Variants in POLR3G observed in about 807,000 individuals in gnomAD.
POLR3G encodes the protein DNA-directed RNA polymerase III subunit RPC7.
Under a neutral mutation model 30.1 loss-of-function variants are expected in POLR3G, and 28 were observed. The ratio of observed to expected loss-of-function variants is 0.93; its 90% confidence interval spans 0.69 to 1.27. The LOEUF (loss-of-function observed/expected upper bound fraction) is 1.27, where lower values mean the gene tolerates loss of function less well. POLR3G is among the 50% of genes most tolerant of loss of function. POLR3G has a pLI of 0.00. For missense variants in POLR3G, 254 were observed against 264.6 expected, an observed-to-expected ratio of 0.96 and a Z score of 0.28; for synonymous variants, 79 against 82.5, an observed-to-expected ratio of 0.96 and a Z score of 0.23.
At chr5:90,484,960 A>T (rs1751360473) in intron 1 of POLR3G, among the ~76,000 whole-genome samples, 1 of 152,172 alleles carries the variant, frequency 6.6e-6, no homozygotes, top group Non-Finnish European at 1.5e-5. Context: ...CCAAAATTGA[A>T]GAGTACAGGT....
intron 3 of POLR3G, among the ~76,000 whole-genome samples, chr5:90,494,956 G>T (rs1474933532): frequency 6.6e-6 from 1 of 152,108 alleles, no homozygotes; most frequent in Non-Finnish European, 1.5e-5. Context: ...AGAAGTCATT[G>T]TGTTACAAAT....
intron 1 of POLR3G, among the ~76,000 whole-genome samples, chr5:90,477,635 T>C (rs1219811614): frequency 6.6e-6 from 1 of 152,206 alleles, no homozygotes; most frequent in African/African-American, 2.4e-5. Context: ...TTTCACTGCC[T>C]CCTCTAGCTT....
intron 4 of POLR3G, 67 bp from the exon 5 acceptor site, chr5:90,497,589 T>G: frequency 6.6e-7 from 1 of 1,519,232 alleles, no homozygotes; most frequent in Non-Finnish European, 8.8e-7. Flanking sequence ...GTCCTTCAAA[T>G]AGTTATGTTC....
intron 4 of POLR3G, among the ~76,000 whole-genome samples, chr5:90,496,870 C>T (rs765000467): frequency 6.6e-6 from 1 of 152,148 alleles, no homozygotes; most frequent in Non-Finnish European, 1.5e-5. Context: ...CATTAGTATT[C>T]ATCTCTCAAA....
At chr5:90,474,435 G>A (rs965817509), upstream of POLR3G, 18 of 735,786 alleles carry the variant, frequency 2.4e-5, no homozygotes, top group Admixed American at 1.6e-4. Context: ...GGCGTGGGAT[G>A]CGGGGGTCGG....
intron 7 of POLR3G, among the ~76,000 whole-genome samples, 177 bp from the exon 8 acceptor site, chr5:90,511,876 T>C (rs1752752729): frequency 1.3e-5 from 2 of 152,180 alleles, no homozygotes; most frequent in South Asian, 4.1e-4. Context: ...TCTTAGCTAG[T>C]TAGTGCCTGA....
intron 4 of POLR3G, among the ~76,000 whole-genome samples, chr5:90,496,969 ATGACT>A (rs1752025822): frequency 6.6e-6 from 1 of 152,204 alleles, no homozygotes. Context: ...TTCAGGTAAA[ATGACT>A]TGAGATTTAA....
chr5:90,486,094 C>T (rs1193973934), intron 2 of POLR3G, among the ~76,000 whole-genome samples: 1 of 152,160 alleles, frequency 6.6e-6, no homozygotes, highest in African/African-American at 2.4e-5. Context: ...CCTTAGTATA[C>T]CACTTGACTT....
chr5:90,474,073 G>C, upstream of POLR3G: 2 of 1,576,254 alleles, frequency 1.3e-6, no homozygotes, highest in East Asian at 2.3e-5. Context: ...AGTGGCCGGC[G>C]CGCCGCGTCC....
upstream of POLR3G, chr5:90,474,575 C>G (rs965559816): frequency 2.1e-6 from 1 of 471,540 alleles, no homozygotes; most frequent in African/African-American, 2.0e-5. Context: ...GCCTCGGCAG[C>G]CGCACCACGA....
intron 5 of POLR3G, among the ~76,000 whole-genome samples, chr5:90,500,527 T>C (rs1474698519): frequency 6.6e-6 from 1 of 152,164 alleles, no homozygotes; most frequent in African/African-American, 2.4e-5. Flanking sequence ...ATTATAATAA[T>C]TTATTGAGAT....
intron 5 of POLR3G, 95 bp from the exon 6 acceptor site, chr5:90,501,811 A>G: frequency 7.2e-7 from 1 of 1,395,600 alleles, no homozygotes; most frequent in South Asian, 1.3e-5. Flanking sequence ...CCTAGGATGC[A>G]GTAGCACGAT....
At chr5:90,503,531 T>C (rs1235049151) in intron 6 of POLR3G, among the ~76,000 whole-genome samples, 1 of 152,214 alleles carries the variant, frequency 6.6e-6, no homozygotes, top group Non-Finnish European at 1.5e-5. Flanking sequence ...GTAAGGAAGA[T>C]TGATCTGGAC....
At chr5:90,498,306 A>T (rs1752086278) in intron 5 of POLR3G, among the ~76,000 whole-genome samples, 2 of 150,396 alleles carry the variant, frequency 1.3e-5, no homozygotes, top group South Asian at 2.1e-4. Context: ...CTTTTTTTAA[A>T]TTTCTGTGTT....
intron 5 of POLR3G, among the ~76,000 whole-genome samples, chr5:90,501,236 T>A (rs1434293133): frequency 6.6e-6 from 1 of 152,182 alleles, no homozygotes; most frequent in Non-Finnish European, 1.5e-5. Context: ...ACATATATAT[T>A]TAAGGCAGAA....
At chr5:90,485,201 G>A (rs1751375596) in intron 1 of POLR3G, among the ~76,000 whole-genome samples, 1 of 152,124 alleles carries the variant, frequency 6.6e-6, no homozygotes, top group South Asian at 2.1e-4. Context: ...CTCCTCATCA[G>A]CCTGGTCTTG....
At chr5:90,478,569 C>CTTTGTTTTTTTTTTTTTTTTTT (rs1750957600) in intron 1 of POLR3G, among the ~76,000 whole-genome samples, 1 of 79,332 alleles carries the variant, frequency 1.3e-5, no homozygotes, top group African/African-American at 5.1e-5. Context: ...CTGCGTGGTT[C>CTTTGTTTTTTTTTTTTTTTTTT]TTTTTTTTTT....
At chr5:90,485,463 T>C in intron 1 of POLR3G, 62 bp from the exon 2 acceptor site, 1 of 783,550 alleles carries the variant, frequency 1.3e-6, no homozygotes, top group Admixed American at 2.4e-5. Flanking sequence ...CAGTTTTATA[T>C]TTTGCTTTAA....
intron 3 of POLR3G, 112 bp from the exon 4 acceptor site, chr5:90,495,565 G>A: frequency 2.7e-6 from 4 of 1,461,372 alleles, no homozygotes; most frequent in Non-Finnish European, 3.6e-6. Flanking sequence ...GAAACTCCCT[G>A]TATGTAAAAT....
Sources: allele counts gnomAD v4.1 joint callset (sites outside exome capture counted in the v4.1 genomes callset), GRCh38; gene constraint gnomAD v4.1.1; transcripts MANE v1.5; gene names NCBI Gene and HGNC (gene_info 2026-07-23, HGNC 2026-07-21).